Variants in CEP104 observed in about 807,000 individuals in gnomAD.
The protein encoded by CEP104 is centrosomal protein 104.
In CEP104, 84 loss-of-function variants were observed where a neutral mutation model predicts 113.3. That is an observed-to-expected ratio of 0.74 (90% confidence interval 0.62 to 0.89). The LOEUF is 0.89. Ranked by LOEUF, CEP104 falls within the 40% of genes least tolerant of loss-of-function variation. The pLI is 0.00. For synonymous variants in CEP104, 378 were observed against 421.7 expected, an observed-to-expected ratio of 0.90 and a Z score of 1.27; for missense variants, 1,053 against 1,156.6, an observed-to-expected ratio of 0.91 and a Z score of 1.30.
chr1:3,830,592 T>C (rs546874140), intron 13 of CEP104, among the ~76,000 whole-genome samples: 70 of 151,734 alleles, frequency 4.6e-4, no homozygotes, highest in Non-Finnish European at 7.2e-4. Flanking sequence ...GCTAACACAG[T>C]GAAACCCCGT....
intron 20 of CEP104, among the ~76,000 whole-genome samples, chr1:3,820,512 A>G (rs1643952286): frequency 6.6e-6 from 1 of 152,232 alleles, no homozygotes; most frequent in Non-Finnish European, 1.5e-5. Context: ...TCTGGGGTGG[A>G]GGAAGGCAGA....
intron 2 of CEP104, among the ~76,000 whole-genome samples, chr1:3,851,965 T>A (rs948378295): frequency 1.7e-4 from 26 of 152,122 alleles, no homozygotes; most frequent in African/African-American, 6.0e-4. Context: ...ACTCACAATC[T>A]CTGCACAGAA....
intron 1 of CEP104, among the ~76,000 whole-genome samples, chr1:3,853,231 G>A (rs536818113): frequency 2.0e-4 from 31 of 152,296 alleles, no homozygotes; most frequent in African/African-American, 6.5e-4. Context: ...GGAAGAGCAG[G>A]AATGACAGGC....
At chr1:3,816,458 T>G (rs578035489) in intron 20 of CEP104, 88 bp from the exon 21 acceptor site, 233 of 1,140,024 alleles carry the variant, frequency 2.0e-4, no homozygotes, top group Non-Finnish European at 2.7e-4. Flanking sequence ...CTGTGTAAGC[T>G]GAAAACGAGG....
chr1:3,843,824 C>T (rs915453471), intron 6 of CEP104, among the ~76,000 whole-genome samples: 1 of 151,692 alleles, frequency 6.6e-6, no homozygotes, highest in Non-Finnish European at 1.5e-5. Context: ...TGCAGTGGCA[C>T]AATCTCGGCT....
Position 3,844,959 on chromosome 1 carries a change from GGTCA to G in CEP104, c.510_513del (p.Asp171ThrfsTer12), listed in dbSNP as rs1557687579. 6.2e-7 allele frequency: 1 copy of G among 1,614,086 alleles called. No individual in the cohort carries two copies. Among genetic ancestry groups the G allele is most frequent in the African/African-American group, 1.3e-5 (1 of 75,026 alleles). ...TCCTCGCTGTTGTGCCCAAGGTAGT[GGTCA>G]ATCAACTTCTCTCGAGAGGCCTTTG... On this transcript the variant is annotated frameshift_variant, in exon 6 of 22. Coordinates refer to ENST00000378230, the MANE Select transcript of CEP104 (RefSeq NM_014704.4). LOFTEE classifies it high-confidence loss of function.
chr1:3,824,854 A>AGGCAGTGGCACCGTGGGAAGGGC (rs1557663612), intron 18 of CEP104, among the ~76,000 whole-genome samples: 1 of 48,514 alleles, frequency 2.1e-5, no homozygotes, highest in Non-Finnish European at 4.2e-5. Flanking sequence ...GTGGGAAGGG[A>AGGCAGTGGCACCGTGGGAAGGGC]GGCAGTGGCA....
In CEP104 at chr1:3,817,656, G is replaced by A. The variant is rs980134319; in HGVS notation, c.2572-1286C>T. Reference sequence around the variant, plus strand: ...AATGTGGCCCACCGGCACATGGGGTGCAGTTGCTTCCCCCTCCCCCGTGGA... The same window carrying A: ...AATGTGGCCCACCGGCACATGGGGTACAGTTGCTTCCCCCTCCCCCGTGGA... On this transcript the variant is annotated intron_variant, in intron 20 of 21. Transcript: ENST00000378230. Among the ~76,000 whole-genome samples, 4 of 152,192 alleles carry A rather than the reference G, an allele frequency of 2.6e-5. No individual in the cohort carries two copies. In the East Asian group the frequency reaches 5.8e-4, roughly 22 times the overall value.
In CEP104 at chr1:3,814,368, G is replaced by C. The variant is rs192092153; in HGVS notation, c.*1034C>G. 1 of 152,376 alleles carries C rather than the reference G, an allele frequency of 6.6e-6. No homozygotes were observed. The highest frequency in any genetic ancestry group is 1.5e-5 in the Non-Finnish European group (1 of 68,040). 9.4% of individuals were successfully genotyped at this position (152,376 alleles called of 1,614,324 possible). On this transcript the variant is annotated 3_prime_UTR_variant, in exon 22 of 22. Coordinates refer to ENST00000378230, the MANE Select transcript of CEP104 (RefSeq NM_014704.4). ...ACCCCCAGCTCACTCCCACAGGAGG[G>C]GATGGCTGGTTAGGAGACTGTTTTT...
In CEP104 at chr1:3,814,657, A is replaced by G. The variant is rs187171124; in HGVS notation, c.*745T>C. 5.9e-5 allele frequency: 9 copies of G among 152,356 alleles called. No individual in the cohort carries two copies. Among genetic ancestry groups the G allele is most frequent in the Admixed American group, 4.6e-4 (7 of 15,304 alleles). The allele number at this position is 152,356 out of a possible 1,614,324, so 9.4% of individuals were successfully genotyped here. On this transcript the variant is annotated 3_prime_UTR_variant, in exon 22 of 22. Transcript: ENST00000378230. The stretch of plus-strand genomic sequence containing the variant: ...GAGCAAAGGCACGGGAAGGGCCCAC[A>G]CCTGTGTCTACCTCAGTTCCAGCAG...
intron 12 of CEP104, 191 bp downstream of exon 12, chr1:3,833,671 T>G: frequency 2.2e-6 from 1 of 464,826 alleles, no homozygotes; most frequent in East Asian, 3.1e-5. Flanking sequence ...AACCCAACTG[T>G]AGATTTTAAC....
chr1:3,825,637 A>G, intron 18 of CEP104, 121 bp downstream of exon 18: 1 of 680,110 alleles, frequency 1.5e-6, no homozygotes, highest in Admixed American at 2.3e-5. Context: ...GGCTTCAGTT[A>G]CTTTTCTCGC....
Position 3,828,010 on chromosome 1 carries a change from C to T in CEP104, c.2151+1256G>A, listed in dbSNP as rs148147382. Among the ~76,000 whole-genome samples, 276 of 152,206 alleles carry T rather than the reference C, an allele frequency of 1.8e-3. 1 individual carries two copies. Among genetic ancestry groups the T allele is most frequent in the Middle Eastern group, 0.014 (4 of 294 alleles). ...GCTGTGTGGAGGCTGTGCAGCCCAT[C>T]AGCATAGGCGACCCCGGGACAGACA... On this transcript the variant is annotated intron_variant, in intron 15 of 21. Transcript: ENST00000378230.
chr1:3,818,393 G>A (rs569991275), intron 20 of CEP104, among the ~76,000 whole-genome samples: 3 of 152,334 alleles, frequency 2.0e-5, no homozygotes, highest in Admixed American at 6.5e-5. Flanking sequence ...GCTCCTGAGC[G>A]CCCTGGATTC....
At position 3,826,377 on chromosome 1, in the gene CEP104, G is replaced by C; in HGVS notation, c.2248C>G (p.Leu750Val). The part of the protein sequence containing the change: ...EALGIPDEHY[L>V]DNLCIFCGER... ...GAAGACAGCGCGACTTACTTATCTA[G>C]ATAGTGCTCATCCGGGATTCCCAGA... The change falls in exon 17 of 22, where the codon CTA becomes GTA. Residue 750 changes from leucine to valine, a missense_variant. Transcript: ENST00000378230. The C allele has an allele frequency of 6.2e-7, 1 of 1,613,948 alleles. No individual in the cohort carries two copies. The highest frequency in any genetic ancestry group is 8.5e-7 in the Non-Finnish European group (1 of 1,179,824).
chr1:3,826,362 CGACT>C lies in CEP104; in HGVS notation c.2255+4_2255+7del. 1 of 1,613,300 alleles carries C rather than the reference CGACT, an allele frequency of 6.2e-7. No individual in the cohort carries two copies. Among genetic ancestry groups the C allele is most frequent in the Non-Finnish European group, 8.5e-7 (1 of 1,179,404 alleles). On this transcript the variant is annotated splice_donor_5th_base_variant and intron_variant, in intron 17 of 21. Transcript: ENST00000378230. ...ATCGTACAATGGGTGGAAGACAGCGCGACTTACTTATCTAGATAGTGCTCATCCG... is the reference window on the plus strand; with the variant it reads ...ATCGTACAATGGGTGGAAGACAGCGCTACTTATCTAGATAGTGCTCATCCG...
chr1:3,854,939 G>A (rs1464493927), intron 1 of CEP104, among the ~76,000 whole-genome samples: 1 of 142,620 alleles, frequency 7.0e-6, no homozygotes, highest in East Asian at 2.1e-4. Context: ...TGGCGTGATC[G>A]CGGCTCACTG....
At chr1:3,843,233 A>G in intron 6 of CEP104, 1 of 714,444 alleles carries the variant, frequency 1.4e-6, no homozygotes, top group South Asian at 1.5e-5. Context: ...ACTGTCCCAA[A>G]GAGGTGCCCA....
chr1:3,825,760 GT>G lies in CEP104; in HGVS notation c.2361del (p.Lys787AsnfsTer9). ...GGCTGCTGTGCCGCTGGCCTGACCTGTTTGCAGTGGTCACATCTTGTCAGCA... is the reference window on the plus strand; with the variant it reads ...GGCTGCTGTGCCGCTGGCCTGACCTGTTGCAGTGGTCACATCTTGTCAGCA... Reference protein sequence around the residue: ...CLMLTRCDHCKQVVEISSLTE... With the variant: ...CLMLTRCDHCXQVVEISSLTE... On this transcript the variant is annotated frameshift_variant, in exon 18 of 22. Transcript: ENST00000378230. LOFTEE classifies it high-confidence loss of function. 1.2e-6 allele frequency: 2 copies of G among 1,607,072 alleles called. No homozygotes were observed. The highest frequency in any genetic ancestry group is 1.7e-6 in the Non-Finnish European group (2 of 1,173,626).
Sources: gnomAD v4.1 joint callset for allele counts (sites outside exome capture counted in the v4.1 genomes callset) on GRCh38, gnomAD v4.1.1 for gene constraint, MANE v1.5 for transcripts, NCBI Gene and HGNC (gene_info 2026-07-23, HGNC 2026-07-21) for gene names.